RSPO2: variants seen among roughly 807,000 people sequenced by gnomAD.
RSPO2 encodes R-spondin-2.
Under a neutral mutation model 30.9 loss-of-function variants are expected in RSPO2, and 14 were observed. The ratio of observed to expected loss-of-function variants is 0.45; its 90% CI spans 0.30 to 0.71. RSPO2 has a LOEUF of 0.71. Ranked by LOEUF, RSPO2 falls within the 30% of genes least tolerant of loss-of-function variation. The pLI, the probability that RSPO2 is intolerant of heterozygous loss-of-function variation, is 0.08. For missense variants in RSPO2, 264 were observed against 301.9 expected (o/e 0.87, Z 0.93); for synonymous variants, 107 against 96.4 (o/e 1.11, Z -0.64).
At chr8:107,963,670 A>G (rs114621983) in intron 3 of RSPO2, among the ~76,000 whole-genome samples, 449 of 152,030 alleles carry the variant, frequency 3.0e-3, no homozygotes, top group African/African-American at 0.01. Flanking sequence ...ATTTTGAAAT[A>G]TGTTATTTTT....
At chr8:108,050,035 A>G (rs938718058) in intron 2 of RSPO2, among the ~76,000 whole-genome samples, 5 of 152,186 alleles carry the variant, frequency 3.3e-5, no homozygotes, top group Non-Finnish European at 5.9e-5. Flanking sequence ...TTGGAATTAT[A>G]AAACTTAAAT....
intron 5 of RSPO2, among the ~76,000 whole-genome samples, chr8:107,949,266 T>G (rs1813166581): frequency 6.6e-6 from 1 of 152,204 alleles, no homozygotes. Flanking sequence ...TCTGGTTTTT[T>G]GTTTCTGAGT....
intron 2 of RSPO2, 105 bp downstream of exon 2, chr8:108,082,440 G>C: frequency 1.3e-6 from 1 of 796,800 alleles, no homozygotes; most frequent in Non-Finnish European, 2.1e-6. Context: ...CTGGGGTGGA[G>C]AGCACAGCCC....
At chr8:108,036,455 G>T (rs1811600089) in intron 2 of RSPO2, among the ~76,000 whole-genome samples, 1 of 152,172 alleles carries the variant, frequency 6.6e-6, no homozygotes, top group Admixed American at 6.5e-5. Context: ...AACCATTTCT[G>T]TCAAGACCTG....
At position 108,020,774 on chromosome 8, in the gene RSPO2, C is replaced by G. The variant is rs114645899; in HGVS notation, c.95-31530G>C. Among the ~76,000 whole-genome samples the G allele has an allele frequency of 1.3e-3, 196 of 152,278 alleles. 2 individuals are homozygous for G. Among genetic ancestry groups the G allele is most frequent in the African/African-American group, 4.5e-3 (187 of 41,574 alleles). Reference sequence around the variant, plus strand: ...CCTCCAGGAAGACTTCCCTGATACTCTAATCACTTATAAGGGCTAAGGGCC... The same window carrying G: ...CCTCCAGGAAGACTTCCCTGATACTGTAATCACTTATAAGGGCTAAGGGCC... On this transcript the variant is annotated intron_variant, in intron 2 of 5. Coordinates refer to ENST00000276659, the MANE Select transcript of RSPO2 (RefSeq NM_178565.5).
chr8:107,940,942 C>T (rs1033834687), intron 5 of RSPO2, among the ~76,000 whole-genome samples: 2 of 152,020 alleles, frequency 1.3e-5, no homozygotes, highest in African/African-American at 2.4e-5. Context: ...TTGGAATCAG[C>T]GGTTTGAGTT....
intron 2 of RSPO2, among the ~76,000 whole-genome samples, chr8:108,056,158 C>T (rs1481543491): frequency 6.6e-6 from 1 of 152,120 alleles, no homozygotes. Flanking sequence ...ACAGTCTCAC[C>T]ACTGAAACAT....
intron 2 of RSPO2, among the ~76,000 whole-genome samples, chr8:108,018,536 A>T (rs963388031): frequency 6.6e-6 from 1 of 152,226 alleles, no homozygotes; most frequent in African/African-American, 2.4e-5. Flanking sequence ...CTATTCCAGC[A>T]TTGGCTAAAA....
chr8:108,082,433 G>A, intron 2 of RSPO2, 112 bp downstream of exon 2: 1 of 747,322 alleles, frequency 1.3e-6, no homozygotes, highest in Non-Finnish European at 2.3e-6. Flanking sequence ...GCAAAAGCTG[G>A]GGTGGAGAGC....
chr8:108,033,754 A>G (rs1405034420), intron 2 of RSPO2, among the ~76,000 whole-genome samples: 2 of 152,130 alleles, frequency 1.3e-5, no homozygotes, highest in Non-Finnish European at 2.9e-5. Flanking sequence ...GACTCTTTTC[A>G]ATGTCTTGGA....
intron 3 of RSPO2, among the ~76,000 whole-genome samples, chr8:107,965,775 T>C (rs1232003720): frequency 6.6e-6 from 1 of 152,180 alleles, no homozygotes; most frequent in Non-Finnish European, 1.5e-5. Flanking sequence ...GCATGCTTAG[T>C]GAGAGACTGA....
chr8:107,907,445 T>C (rs1205150454), intron 5 of RSPO2, among the ~76,000 whole-genome samples: 1 of 152,080 alleles, frequency 6.6e-6, no homozygotes. Context: ...CATTAAAGTG[T>C]TGAAAATAAT....
In RSPO2 at chr8:108,051,772, C is replaced by T. The variant is rs542661144; in HGVS notation, c.94+30773G>A. Among the ~76,000 whole-genome samples the T allele has an allele frequency of 1.6e-4, 24 of 152,318 alleles. No homozygotes were observed. In the South Asian group the frequency reaches 5.0e-3, roughly 32 times the overall value. On this transcript the variant is annotated intron_variant, in intron 2 of 5. Transcript: ENST00000276659. ...ACTATAGTCATGATGAGAGCTGACT[C>T]CCATCTGGGACTCCAGCTCAAGACT...
At chr8:107,938,003 C>T (rs954343642) in intron 5 of RSPO2, among the ~76,000 whole-genome samples, 1 of 152,096 alleles carries the variant, frequency 6.6e-6, no homozygotes, top group Non-Finnish European at 1.5e-5. Context: ...CAATAATATC[C>T]TTGAAATGAA....
intron 2 of RSPO2, among the ~76,000 whole-genome samples, chr8:108,003,301 ATATATATATATTTTTTTTTTTTTTTTT>A (rs1178665145): frequency 0.017 from 419 of 24,618 alleles, 2 homozygotes; most frequent in African/African-American, 0.06. Context: ...ATATATATAT[ATATATATATATTTTTTTTTTTTTTTTT>A]TTTTTTTTTA....
chr8:107,989,188 C>A lies in RSPO2; in HGVS notation c.151G>T (p.Gly51Trp). ...AACTTCTGTTGACATCGGCTACACCCATTGTCCTTTGAACAAGACAAACAA... is the reference window on the plus strand; with the variant it reads ...AACTTCTGTTGACATCGGCTACACCAATTGTCCTTTGAACAAGACAAACAA... The part of the protein sequence containing the change: ...KGCLSCSKDN[G>W]CSRCQQKLFF... The change falls in exon 3 of 6, where the codon GGG (glycine) becomes TGG (tryptophan). Residue 51 changes from glycine (G) to tryptophan (W), a missense_variant. By Grantham distance (184) the Gly-to-Trp change is radical. Transcript: ENST00000276659. 1 of 1,607,272 alleles carries A rather than the reference C, an allele frequency of 6.2e-7. No individual in the cohort carries two copies. The highest frequency in any genetic ancestry group is 8.5e-7 in the Non-Finnish European group (1 of 1,177,844).
intron 2 of RSPO2, among the ~76,000 whole-genome samples, chr8:108,048,112 C>T (rs895467106): frequency 6.6e-6 from 1 of 151,966 alleles, no homozygotes; most frequent in African/African-American, 2.4e-5. Context: ...AGATACTACT[C>T]GCCTTCATTT....
At chr8:108,050,305 A>C (rs1403389611) in intron 2 of RSPO2, among the ~76,000 whole-genome samples, 1 of 152,208 alleles carries the variant, frequency 6.6e-6, no homozygotes, top group Non-Finnish European at 1.5e-5. Flanking sequence ...GATTTGAGGT[A>C]TGGATCGGTT....
chr8:107,946,624 A>G (rs1563533287), intron 5 of RSPO2, among the ~76,000 whole-genome samples: 1 of 152,230 alleles, frequency 6.6e-6, no homozygotes, highest in Non-Finnish European at 1.5e-5. Flanking sequence ...AAGATGAAAA[A>G]TGTGAAAAAT....
Sources: gnomAD v4.1 joint callset for allele counts (sites outside exome capture counted in the v4.1 genomes callset) on GRCh38, gnomAD v4.1.1 for gene constraint, MANE v1.5 for transcripts, NCBI Gene and HGNC (gene_info 2026-07-23, HGNC 2026-07-21) for gene names.